Variants in HDAC9 observed in about 807,000 individuals in gnomAD.
HDAC9 encodes histone deacetylase 9.
Under a neutral mutation model 139.4 loss-of-function variants are expected in HDAC9, and 41 were observed. That is an observed-to-expected ratio of 0.29 (90% CI 0.23 to 0.38). The LOEUF (loss-of-function observed/expected upper bound fraction) is 0.38. HDAC9 is among the 10% of genes least tolerant of loss of function. The pLI is 1.00. For synonymous variants in HDAC9, 517 were observed against 476.2 expected (o/e 1.09, Z -1.12); for missense variants, 1,147 against 1,297.0 (o/e 0.88, Z 1.78).
chr7:18,521,707 A>G (rs1386456751), intron 2 of HDAC9, among the ~76,000 whole-genome samples: 1 of 152,206 alleles, frequency 6.6e-6, no homozygotes, highest in African/African-American at 2.4e-5. Context: ...ATAATAAACA[A>G]CAGTCTAGGA....
chr7:18,108,619 T>A (rs1242637619), intron 1 of HDAC9, among the ~76,000 whole-genome samples: 4 of 149,510 alleles, frequency 2.7e-5, no homozygotes, highest in Admixed American at 2.7e-4. Flanking sequence ...TCCTTTTTTT[T>A]TTTTTTTTTT....
intron 2 of HDAC9, among the ~76,000 whole-genome samples, chr7:18,218,311 G>C (rs915804786): frequency 6.6e-6 from 1 of 151,994 alleles, no homozygotes; most frequent in Non-Finnish European, 1.5e-5. Flanking sequence ...AGGCATGGTG[G>C]TACACGCCTG....
chr7:18,275,328 A>T (rs1288848591), intron 2 of HDAC9, among the ~76,000 whole-genome samples: 2 of 152,052 alleles, frequency 1.3e-5, no homozygotes, highest in Non-Finnish European at 2.9e-5. Flanking sequence ...TTTTGCTTAG[A>T]TTTTCAAAAT....
rs562247218 is a variant in HDAC9 at position 18,163,099 on chromosome 7, T to C, written c.25+750T>C. Among the ~76,000 whole-genome samples the C allele has an allele frequency of 1.2e-4, 19 of 152,308 alleles. No homozygotes were observed. In the East Asian group the frequency reaches 3.7e-3, roughly 29 times the overall value. ...TTAGCATATTGATATCCTTGGTTTATTGAACTAAGTTGAAGCTTATGTACT... is the reference window on the plus strand; with the variant it reads ...TTAGCATATTGATATCCTTGGTTTACTGAACTAAGTTGAAGCTTATGTACT... On this transcript the variant is annotated intron_variant, in intron 2 of 12. Coordinates refer to the HDAC9 transcript ENST00000417496.
At chr7:18,380,855 G>A (rs1213360540) in intron 1 of HDAC9, among the ~76,000 whole-genome samples, 2 of 152,106 alleles carry the variant, frequency 1.3e-5, no homozygotes, top group Non-Finnish European at 1.5e-5. Context: ...GCTTAAGAAA[G>A]CTATCTCTTC....
Position 18,793,427 on chromosome 7 carries a change from C to T in HDAC9, c.2297C>T (p.Ser766Phe). 6.3e-7 allele frequency: 1 copy of T among 1,581,524 alleles called. No individual in the cohort carries two copies. The highest frequency in any genetic ancestry group is 8.6e-7 in the Non-Finnish European group (1 of 1,163,666). ...MAVGCVIELA[S>F]KVASGELKNG... Reference sequence around the variant, plus strand: ...GTTGGCTGTGTCATCGAGCTGGCTTCCAAAGTGGCCTCAGGAGAGCTGAAG... The same window carrying T: ...GTTGGCTGTGTCATCGAGCTGGCTTTCAAAGTGGCCTCAGGAGAGCTGAAG... Residue 766 changes from serine to phenylalanine, a missense_variant, in exon 17 of 26, where the codon TCC (serine) becomes TTC (phenylalanine). By Grantham distance (155) the Ser-to-Phe change is radical. Transcript: ENST00000686413.
chr7:18,916,011 A>AC (rs1433687842), intron 22 of HDAC9, among the ~76,000 whole-genome samples: 3 of 89,962 alleles, frequency 3.3e-5, no homozygotes, highest in African/African-American at 1.3e-4. Flanking sequence ...CCCTCCTCTC[A>AC]CCCCCCGCTG....
At chr7:18,215,763 C>A (rs1792264002) in intron 2 of HDAC9, among the ~76,000 whole-genome samples, 1 of 152,114 alleles carries the variant, frequency 6.6e-6, no homozygotes. Context: ...GGGGGTCTTT[C>A]TTGCCTTGGT....
chr7:18,788,088 A>G (rs1199868825), intron 16 of HDAC9, among the ~76,000 whole-genome samples: 1 of 152,072 alleles, frequency 6.6e-6, no homozygotes, highest in African/African-American at 2.4e-5. Flanking sequence ...ACCTCTCTGC[A>G]CCACCTGACT....
At chr7:18,924,174 T>C (rs1804006961) in intron 22 of HDAC9, among the ~76,000 whole-genome samples, 2 of 152,082 alleles carry the variant, frequency 1.3e-5, no homozygotes, top group Non-Finnish European at 2.9e-5. Context: ...CTATTGGGCT[T>C]ATTAGATGCT....
At chr7:18,721,936 T>C (rs910444315) in intron 12 of HDAC9, among the ~76,000 whole-genome samples, 1 of 152,146 alleles carries the variant, frequency 6.6e-6, no homozygotes, top group Non-Finnish European at 1.5e-5. Flanking sequence ...TTTCAAATGA[T>C]GGCAATGCCT....
intron 21 of HDAC9, among the ~76,000 whole-genome samples, chr7:18,847,680 C>T (rs914480929): frequency 3.3e-5 from 5 of 152,194 alleles, no homozygotes; most frequent in Non-Finnish European, 5.9e-5. Flanking sequence ...GAAGCAAAAA[C>T]GAGGAAGTCT....
intron 12 of HDAC9, among the ~76,000 whole-genome samples, chr7:18,727,256 G>A (rs781030533): frequency 6.6e-6 from 1 of 152,152 alleles, no homozygotes; most frequent in Non-Finnish European, 1.5e-5. Flanking sequence ...TTGGTATCTA[G>A]GTAGGAAATG....
intron 2 of HDAC9, among the ~76,000 whole-genome samples, chr7:18,179,303 T>A (rs749649333): frequency 6.6e-6 from 1 of 152,212 alleles, no homozygotes; most frequent in Non-Finnish European, 1.5e-5. Flanking sequence ...AACCCATTAG[T>A]TGATTGCAAA....
chr7:18,711,117 A>G (rs892442989), intron 12 of HDAC9, among the ~76,000 whole-genome samples: 4 of 152,170 alleles, frequency 2.6e-5, no homozygotes, highest in African/African-American at 9.7e-5. Context: ...TTCGACAACA[A>G]TCTCTATGCA....
chr7:18,326,060 C>T (rs577688788), intron 1 of HDAC9, among the ~76,000 whole-genome samples: 1 of 152,208 alleles, frequency 6.6e-6, no homozygotes, highest in Admixed American at 6.6e-5. Flanking sequence ...GTTCTTGATA[C>T]ACGTGTGTAA....
intron 1 of HDAC9, among the ~76,000 whole-genome samples, chr7:18,394,702 G>T (rs1437681401): frequency 1.3e-5 from 2 of 152,006 alleles, no homozygotes; most frequent in East Asian, 3.9e-4. Context: ...TTTCATTTCT[G>T]TTGAAATTCA....
chr7:18,935,742 T>C (rs937564444), intron 22 of HDAC9, 67 bp from the exon 23 acceptor site: 8 of 1,408,538 alleles, frequency 5.7e-6, no homozygotes, highest in African/African-American at 1.4e-5. Flanking sequence ...ACATGCTCAA[T>C]GTTAGATTCT....
intron 1 of HDAC9, among the ~76,000 whole-genome samples, chr7:18,145,413 T>C (rs1175922088): frequency 6.6e-6 from 1 of 152,234 alleles, no homozygotes; most frequent in Admixed American, 6.5e-5. Flanking sequence ...TGTGCTGTAG[T>C]ACCTACCAGT....
Sources: gnomAD v4.1 joint callset for allele counts (sites outside exome capture counted in the v4.1 genomes callset) on GRCh38, gnomAD v4.1.1 for gene constraint, MANE v1.5 for transcripts, NCBI Gene and HGNC (gene_info 2026-07-23, HGNC 2026-07-21) for gene names.